IL1RAPL2: variants seen among roughly 807,000 people sequenced by gnomAD.
IL1RAPL2 encodes the protein X-linked interleukin-1 receptor accessory protein-like 2.
In IL1RAPL2, 3 loss-of-function variants were observed where a neutral mutation model predicts 44.1. That is an observed-to-expected ratio of 0.07 (90% CI 0.03 to 0.18). The LOEUF is 0.18. IL1RAPL2 is among the 10% of genes least tolerant of loss of function. The pLI is 1.00. For missense variants in IL1RAPL2, 391 were observed against 496.4 expected, an observed-to-expected ratio of 0.79 and a Z score of 2.02; for synonymous variants, 181 against 178.8, an observed-to-expected ratio of 1.01 and a Z score of -0.10.
At chrX:105,212,413 T>G (rs1306636550) in intron 3 of IL1RAPL2, among the ~76,000 whole-genome samples, 1 of 111,151 alleles carries the variant, frequency 9.0e-6, no homozygotes, top group Admixed American at 9.5e-5. Flanking sequence ...TTCTCTAGAT[T>G]CCTACTCACT....
At position 105,447,249 on chromosome X, in the gene IL1RAPL2, TATATATAAATATATATAAATATATATAAA is replaced by T. The variant is rs2035969567; in HGVS notation, c.698-37056_698-37028del. On this transcript the variant is annotated intron_variant, in intron 5 of 10. Coordinates refer to ENST00000372582, the MANE Select transcript of IL1RAPL2 (RefSeq NM_017416.2). The stretch of plus-strand genomic sequence containing the variant: ...ATATAAATATATATATAAATATAAA[TATATATAAATATATATAAATATATATAAA>T]ATATATATAAATATAAATATATATA... Among the ~76,000 whole-genome samples, 5 of 25,879 alleles carry T rather than the reference TATATATAAATATATATAAATATATATAAA, an allele frequency of 1.9e-4. No homozygotes were observed. In the African/African-American group the frequency reaches 4.4e-3, roughly 23 times the overall value. The allele number at this position is 25,879 out of a possible 115,157, so 22.5% of individuals were successfully genotyped here.
chrX:104,985,667 T>TGA (rs1470373627), intron 2 of IL1RAPL2, among the ~76,000 whole-genome samples: 1 of 111,614 alleles, frequency 9.0e-6, no homozygotes, highest in African/African-American at 3.3e-5. Context: ...TCCCAGAATT[T>TGA]AGTGAAGAGA....
At position 104,971,070 on chromosome X, in the gene IL1RAPL2, G is replaced by A. The variant is rs1006843217; in HGVS notation, c.83-224405G>A. 1.4e-4 allele frequency among the ~76,000 whole-genome samples: 16 copies of A among 112,121 alleles called. No individual in the cohort carries two copies. In the East Asian group the frequency reaches 3.7e-3, roughly 26 times the overall value. The stretch of plus-strand genomic sequence containing the variant: ...CAGCTATTAAAGGCCCTACGAGGCC[G>A]GGCATGGTGGGTGACACCTGTAATC... On this transcript the variant is annotated intron_variant, in intron 2 of 10. Coordinates refer to ENST00000372582, the MANE Select transcript of IL1RAPL2 (RefSeq NM_017416.2).
chrX:104,848,933 T>G (rs1201359076), intron 2 of IL1RAPL2, among the ~76,000 whole-genome samples: 1 of 111,403 alleles, frequency 9.0e-6, no homozygotes, highest in African/African-American at 3.3e-5. Flanking sequence ...GTGTTTAATA[T>G]TTAAGATAAC....
chrX:105,310,847 T>G (rs1160923760), intron 5 of IL1RAPL2, among the ~76,000 whole-genome samples: 1 of 111,836 alleles, frequency 8.9e-6, no homozygotes, highest in South Asian at 3.7e-4. Context: ...TTGTGTAATT[T>G]ATTGGGACAT....
At chrX:104,977,098 T>C (rs1288747753) in intron 2 of IL1RAPL2, among the ~76,000 whole-genome samples, 1 of 111,705 alleles carries the variant, frequency 9.0e-6, no homozygotes, top group Non-Finnish European at 1.9e-5. Flanking sequence ...TATCTGATAT[T>C]GTGGGGAAGG....
intron 2 of IL1RAPL2, among the ~76,000 whole-genome samples, chrX:105,194,207 C>T (rs887233956): frequency 8.9e-6 from 1 of 111,916 alleles, no homozygotes; most frequent in Non-Finnish European, 1.9e-5. Context: ...TACACTTAAA[C>T]ATTGCATTTA....
At chrX:105,571,178 C>T (rs1231845549) in intron 6 of IL1RAPL2, among the ~76,000 whole-genome samples, 1 of 111,022 alleles carries the variant, frequency 9.0e-6, no homozygotes, top group Admixed American at 9.6e-5. Flanking sequence ...AACTGAGACC[C>T]AGTAAGAAGA....
At chrX:105,680,747 A>AGAT (rs1316887425) in intron 6 of IL1RAPL2, among the ~76,000 whole-genome samples, 1 of 112,362 alleles carries the variant, frequency 8.9e-6, no homozygotes, top group African/African-American at 3.2e-5. Flanking sequence ...TATAAGTTGT[A>AGAT]GATAGTGTAA....
At position 104,566,569 on chromosome X, in the gene IL1RAPL2, C is replaced by T. The variant is rs949045467; in HGVS notation, c.-502C>T. 10 of 113,030 alleles carry T rather than the reference C, an allele frequency of 8.8e-5. No homozygotes were observed. Among genetic ancestry groups the T allele is most frequent in the African/African-American group, 2.9e-4 (9 of 31,212 alleles). The allele number at this position is 113,030 out of a possible 1,213,427, so 9.3% of individuals were successfully genotyped here. A position where few individuals can be genotyped will look rare whatever the true frequency, so the allele number is the denominator to read the frequency against. ...GGGCCACAGGCTGAGGCGCCCGCGT[C>T]CCGGAGTGCACCGCTTGGCCGAGGC... On this transcript the variant is annotated 5_prime_UTR_variant, in exon 1 of 11. Transcript: ENST00000372582.
intron 6 of IL1RAPL2, among the ~76,000 whole-genome samples, chrX:105,559,976 C>A (rs2036922589): frequency 9.0e-6 from 1 of 111,720 alleles, no homozygotes; most frequent in South Asian, 3.7e-4. Context: ...GGCTTAGATC[C>A]CAATCTTTGA....
intron 6 of IL1RAPL2, among the ~76,000 whole-genome samples, chrX:105,603,000 T>C (rs2037265422): frequency 9.1e-6 from 1 of 109,348 alleles, no homozygotes; most frequent in South Asian, 3.9e-4. Context: ...TGTGAACATA[T>C]ACAACTCACT....
At chrX:105,087,779 A>G (rs904290924) in intron 2 of IL1RAPL2, among the ~76,000 whole-genome samples, 3 of 112,260 alleles carry the variant, frequency 2.7e-5, no homozygotes, top group African/African-American at 9.7e-5. Context: ...TCAGCTGTCT[A>G]GAATTATGTA....
intron 6 of IL1RAPL2, among the ~76,000 whole-genome samples, chrX:105,697,486 G>GGGCT (rs757245552): frequency 9.0e-6 from 1 of 110,911 alleles, no homozygotes; most frequent in Non-Finnish European, 1.9e-5. Flanking sequence ...AAGCTATTTA[G>GGGCT]GGCTGCGATG....
At chrX:104,617,952 G>T (rs1929311336) in intron 1 of IL1RAPL2, among the ~76,000 whole-genome samples, 1 of 111,738 alleles carries the variant, frequency 8.9e-6, no homozygotes, top group South Asian at 3.8e-4. Flanking sequence ...CACTGTTTCT[G>T]TCTCATCTGG....
At chrX:104,761,487 C>T (rs1347647632) in intron 2 of IL1RAPL2, among the ~76,000 whole-genome samples, 1 of 110,175 alleles carries the variant, frequency 9.1e-6, no homozygotes, top group Non-Finnish European at 1.9e-5. Flanking sequence ...CAAACCATAT[C>T]ATTCTCCTCC....
intron 5 of IL1RAPL2, among the ~76,000 whole-genome samples, chrX:105,270,420 C>A (rs1302308781): frequency 9.0e-6 from 1 of 111,628 alleles, no homozygotes; most frequent in African/African-American, 3.3e-5. Flanking sequence ...GTAAAAGCGA[C>A]TTCAACTAGG....
chrX:104,879,696 A>G (rs917760127), intron 2 of IL1RAPL2, among the ~76,000 whole-genome samples: 3 of 111,768 alleles, frequency 2.7e-5, no homozygotes, highest in African/African-American at 9.8e-5. Flanking sequence ...TTCTGCTGGA[A>G]TTTTATGTTG....
intron 2 of IL1RAPL2, among the ~76,000 whole-genome samples, chrX:104,663,044 C>T (rs1930430907): frequency 8.9e-6 from 1 of 112,010 alleles, no homozygotes; most frequent in Non-Finnish European, 1.9e-5. Flanking sequence ...CTTGCTGGCA[C>T]ACAGTGGGTA....
Sources: allele counts gnomAD v4.1 joint callset (sites outside exome capture counted in the v4.1 genomes callset), GRCh38; gene constraint gnomAD v4.1.1; transcripts MANE v1.5; gene names NCBI Gene and HGNC (gene_info 2026-07-23, HGNC 2026-07-21).